The following UBQLN1 variants were observed in gnomAD, a reference collection of about 807,000 sequenced individuals.
UBQLN1 encodes ubiquilin-1.
UBQLN1 carries 13 observed loss-of-function variants against 65.4 expected under a neutral mutation model. The ratio of observed to expected loss-of-function variants is 0.20; its 90% confidence interval spans 0.13 to 0.32. The LOEUF is 0.32. UBQLN1 is among the 10% of genes least tolerant of loss of function. The pLI, the probability that UBQLN1 is intolerant of heterozygous loss-of-function variation, is 1.00. For synonymous variants in UBQLN1, 267 were observed against 247.8 expected (o/e 1.08, Z -0.73); for missense variants, 561 against 724.0 (o/e 0.77, Z 2.58).
chr9:83,681,653 A>C (rs951500150), intron 3 of UBQLN1, among the ~76,000 whole-genome samples: 7 of 152,248 alleles, frequency 4.6e-5, no homozygotes, highest in African/African-American at 7.2e-5. Flanking sequence ...GCATTCTTGA[A>C]ACCACAAAAA....
At chr9:83,672,006 C>A (rs966049025) in intron 6 of UBQLN1, among the ~76,000 whole-genome samples, 5 of 152,222 alleles carry the variant, frequency 3.3e-5, no homozygotes, top group African/African-American at 1.2e-4. Flanking sequence ...GCTACCTCAC[C>A]TTGTACCTTT....
At chr9:83,667,423 C>T in intron 7 of UBQLN1, 1 of 858,398 alleles carries the variant, frequency 1.2e-6, no homozygotes, top group Non-Finnish European at 1.4e-6. Context: ...AATGTAAATG[C>T]TGGTAGAGAA....
rs1006306069 is a variant in UBQLN1 at position 83,707,854 on chromosome 9, T to C, written c.-175A>G. 1.8e-5 allele frequency: 17 copies of C among 959,624 alleles called. 1 individual carries two copies. In the Admixed American group the frequency reaches 2.6e-4, roughly 15 times the overall value. The allele number at this position is 959,624 out of a possible 1,614,324, so 59.4% of individuals were successfully genotyped here. A position where few individuals can be genotyped will look rare whatever the true frequency, so the allele number is the denominator to read the frequency against. On this transcript the variant is annotated 5_prime_UTR_variant, in exon 1 of 11. Coordinates refer to ENST00000376395, the MANE Select transcript of UBQLN1 (RefSeq NM_013438.5). Reference sequence around the variant, plus strand: ...GCGGGTGTGGGGCCCCGGAGCTCGGTGCAGGCTCTGGCGCAGGCCCGGGTC... The same window carrying C: ...GCGGGTGTGGGGCCCCGGAGCTCGGCGCAGGCTCTGGCGCAGGCCCGGGTC...
intron 10 of UBQLN1, 68 bp downstream of exon 10, chr9:83,663,807 T>C: frequency 6.5e-7 from 1 of 1,541,098 alleles, no homozygotes; most frequent in Non-Finnish European, 8.8e-7. Flanking sequence ...CCCTTTTTCC[T>C]TCTTTTTGGA....
chr9:83,670,721 T>C (rs1037928727), intron 6 of UBQLN1, among the ~76,000 whole-genome samples: 2 of 152,224 alleles, frequency 1.3e-5, no homozygotes, highest in Admixed American at 1.3e-4. Flanking sequence ...TGACAGCATT[T>C]ACCACAGCAG....
rs1489187400 is a variant in UBQLN1, at chr9:83,661,828, T to C, written c.1729A>G (p.Asn577Asp). 1 of 1,613,686 alleles carries C rather than the reference T, an allele frequency of 6.2e-7. No homozygotes were observed. Among genetic ancestry groups the C allele is most frequent in the Admixed American group, 1.7e-5 (1 of 60,012 alleles). ...CCCAGTAACCTTTCAATAGCTGCAT[T>C]GATATCACCTCCTGTTGCTATTAGA... is the stretch of plus-strand genomic sequence containing the variant. ...QALIATGGDI[N>D]AAIERLLGSQ... The change falls in exon 11 of 11, where the codon AAT (asparagine) becomes GAT (aspartate). Residue 577 changes from asparagine to aspartate, a missense_variant. Physicochemically the swap from Asn to Asp is conservative, Grantham distance 23. Transcript: ENST00000376395.
intron 8 of UBQLN1, 65 bp from the exon 9 acceptor site, chr9:83,665,210 C>A: frequency 4.0e-6 from 5 of 1,244,638 alleles, no homozygotes; most frequent in Non-Finnish European, 4.6e-6. Flanking sequence ...ATTTTTAAAT[C>A]TTTTCTCTGT....
At chr9:83,688,412 G>A (rs973526002) in intron 1 of UBQLN1, among the ~76,000 whole-genome samples, 2 of 152,086 alleles carry the variant, frequency 1.3e-5, no homozygotes, top group East Asian at 3.8e-4. Flanking sequence ...AAATGAGAGG[G>A]TAAAACTAGA....
rs1434309991 is a variant in UBQLN1, at chr9:83,665,149, A to C, written c.1333-4T>G. ...ATAGTGTATCAGGATTCTGCATCTAAGGAAGAAAGAAAACTAGTGGTTACA... is the reference window on the plus strand; with the variant it reads ...ATAGTGTATCAGGATTCTGCATCTACGGAAGAAAGAAAACTAGTGGTTACA... On this transcript the variant is annotated splice_polypyrimidine_tract_variant and splice_region_variant and intron_variant, in intron 8 of 10. Coordinates refer to ENST00000376395, the MANE Select transcript of UBQLN1 (RefSeq NM_013438.5). 6.3e-7 allele frequency: 1 copy of C among 1,589,396 alleles called. No homozygotes were observed. The highest frequency in any genetic ancestry group is 1.2e-5 in the South Asian group (1 of 86,874).
At chr9:83,701,758 A>AGCT (rs1225136177) in intron 1 of UBQLN1, among the ~76,000 whole-genome samples, 2 of 152,092 alleles carry the variant, frequency 1.3e-5, no homozygotes, top group Non-Finnish European at 2.9e-5. Flanking sequence ...ATAATTTGGC[A>AGCT]GCTCCTCATA....
intron 9 of UBQLN1, 80 bp downstream of exon 9, chr9:83,664,950 A>T: frequency 5.0e-6 from 3 of 601,094 alleles, no homozygotes; most frequent in Non-Finnish European, 8.0e-6. Context: ...AAAAAAAGGC[A>T]GGCAGAATAA....
chr9:83,685,924 T>C, intron 2 of UBQLN1, 80 bp downstream of exon 2: 1 of 1,264,012 alleles, frequency 7.9e-7, no homozygotes, highest in Non-Finnish European at 1.1e-6. Flanking sequence ...GGGAAAGTAA[T>C]TTACAGCCAA....
Position 83,661,531 on chromosome 9 carries a change from TA to T in UBQLN1, c.*255del. The T allele has an allele frequency of 3.1e-6, 1 of 327,572 alleles. No individual in the cohort carries two copies. The highest frequency in any genetic ancestry group is 5.5e-6 in the Non-Finnish European group (1 of 181,626). The allele number at this position is 327,572 out of a possible 1,614,324, so 20.3% of individuals were successfully genotyped here. ...AGGACAAAATCTGGTCACCCAACTA[TA>T]AAAGGTGATGTTTTTAAAAAATTAC... On this transcript the variant is annotated 3_prime_UTR_variant, in exon 11 of 11. Coordinates refer to ENST00000376395, the MANE Select transcript of UBQLN1 (RefSeq NM_013438.5).
Position 83,707,916 on chromosome 9 carries a change from C to G in UBQLN1, c.-237G>C, listed in dbSNP as rs970012161. The G allele has an allele frequency of 1.3e-5, 7 of 530,490 alleles. No individual in the cohort carries two copies. 32.9% of individuals were successfully genotyped at this position (530,490 alleles called of 1,614,324 possible). A position where few individuals can be genotyped will look rare whatever the true frequency, so the allele number is the denominator to read the frequency against. On this transcript the variant is annotated 5_prime_UTR_variant, in exon 1 of 11. Transcript: ENST00000376395. Reference sequence around the variant, plus strand: ...AGCCGCCGTGTGTTCAGGCGCCGCTCGCTCACACCGACATCCGCAGCAGCC... The same window carrying G: ...AGCCGCCGTGTGTTCAGGCGCCGCTGGCTCACACCGACATCCGCAGCAGCC...
At chr9:83,685,403 T>G (rs1054018738) in intron 2 of UBQLN1, among the ~76,000 whole-genome samples, 4 of 152,196 alleles carry the variant, frequency 2.6e-5, no homozygotes, top group African/African-American at 9.7e-5. Context: ...CATGTAAGTC[T>G]AAAGGAGCTC....
In UBQLN1 at chr9:83,668,005, TC is replaced by T. The variant is rs1381758503; in HGVS notation, c.1248+1179del. The T allele has an allele frequency of 6.1e-6, 6 of 985,400 alleles. No individual in the cohort carries two copies. The East Asian group carries it at 6.8e-4, about 112-fold the overall frequency. 61.0% of individuals were successfully genotyped at this position (985,400 alleles called of 1,614,324 possible). A position where few individuals can be genotyped will look rare whatever the true frequency, so the allele number is the denominator to read the frequency against. On this transcript the variant is annotated intron_variant, in intron 7 of 10. Transcript: ENST00000376395. ...ATTGCTACGCATGTGCTTGTTAAAG[TC>T]AAATTTTAAAAGCAAGATGCACATT...
At chr9:83,691,968 T>C (rs1832136288) in intron 1 of UBQLN1, among the ~76,000 whole-genome samples, 1 of 152,192 alleles carries the variant, frequency 6.6e-6, no homozygotes, top group Admixed American at 6.5e-5. Context: ...AAACCACCAA[T>C]GTCACCTAAT....
Position 83,666,453 on chromosome 9 carries a change from A to C in UBQLN1, c.1249-20T>G. 1 of 1,609,884 alleles carries C rather than the reference A, an allele frequency of 6.2e-7. No homozygotes were observed. The highest frequency in any genetic ancestry group is 8.5e-7 in the Non-Finnish European group (1 of 1,176,314). Reference sequence around the variant, plus strand: ...CATCATCTATGGGGCAAGTGTTCAAACAATTTTAACTGGAAATATCTGAAA... The same window carrying C: ...CATCATCTATGGGGCAAGTGTTCAACCAATTTTAACTGGAAATATCTGAAA... On this transcript the variant is annotated intron_variant, in intron 7 of 10. Coordinates refer to ENST00000376395, the MANE Select transcript of UBQLN1 (RefSeq NM_013438.5).
At chr9:83,706,978 G>C (rs1832419861) in intron 1 of UBQLN1, among the ~76,000 whole-genome samples, 1 of 152,136 alleles carries the variant, frequency 6.6e-6, no homozygotes, top group Non-Finnish European at 1.5e-5. Flanking sequence ...AGGTGGGAAA[G>C]ATTTCAGGAG....
Sources: gnomAD v4.1 joint callset for allele counts (sites outside exome capture counted in the v4.1 genomes callset) on GRCh38, gnomAD v4.1.1 for gene constraint, MANE v1.5 for transcripts, NCBI Gene and HGNC (gene_info 2026-07-23, HGNC 2026-07-21) for gene names.